FGF10: variants seen among roughly 807,000 people sequenced by gnomAD.
The protein encoded by FGF10 is FGF-10.
Under a neutral mutation model 19.8 loss-of-function variants are expected in FGF10, and 2 were observed. The observed-to-expected ratio is 0.10, with a 90% CI of 0.04 to 0.32. FGF10 has a LOEUF of 0.32. Among genes scored for constraint, FGF10 ranks in the 10% least tolerant of loss-of-function variants. The pLI is 1.00. For missense variants in FGF10, 191 were observed against 246.3 expected, an observed-to-expected ratio of 0.78 and a Z score of 1.50; for synonymous variants, 112 against 94.0, an observed-to-expected ratio of 1.19 and a Z score of -1.10.
At chr5:44,387,406 G>C (rs1579951000) in intron 1 of FGF10, among the ~76,000 whole-genome samples, 2 of 152,190 alleles carry the variant, frequency 1.3e-5, no homozygotes, top group African/African-American at 4.8e-5. Context: ...AATTTACGCT[G>C]AGGAGAAAAT....
At chr5:44,306,961 C>CA (rs1740090898) in intron 2 of FGF10, among the ~76,000 whole-genome samples, 1 of 152,080 alleles carries the variant, frequency 6.6e-6, no homozygotes, top group South Asian at 2.1e-4. Context: ...ATATACTTTT[C>CA]AAAGCAGAGT....
rs960431484 is a variant in FGF10, at chr5:44,321,083, A to T, written c.326-10553T>A. On this transcript the variant is annotated intron_variant, in intron 1 of 2. Coordinates refer to ENST00000264664, the MANE Select transcript of FGF10 (RefSeq NM_004465.2). ...CATCAAATGTGTCTAAACTGAGAGC[A>T]TCATTCTTAGTGGCTAACCACATTG... Among the ~76,000 whole-genome samples, 3 of 152,208 alleles carry T rather than the reference A, an allele frequency of 2.0e-5. No individual in the cohort carries two copies. In the East Asian group the frequency reaches 5.8e-4, roughly 29 times the overall value.
At chr5:44,309,639 G>A (rs1473948366) in intron 2 of FGF10, among the ~76,000 whole-genome samples, 1 of 152,074 alleles carries the variant, frequency 6.6e-6, no homozygotes, top group Non-Finnish European at 1.5e-5. Context: ...ACTTGAGCAG[G>A]ATAAATTGTC....
At chr5:44,385,049 C>T (rs182883835) in intron 1 of FGF10, among the ~76,000 whole-genome samples, 76 of 152,074 alleles carry the variant, frequency 5.0e-4, no homozygotes, top group African/African-American at 1.4e-3. Flanking sequence ...GAACTAAAGC[C>T]GAGTGGTAAG....
chr5:44,385,482 A>G (rs1742077020), intron 1 of FGF10, among the ~76,000 whole-genome samples: 1 of 152,206 alleles, frequency 6.6e-6, no homozygotes, highest in African/African-American at 2.4e-5. Context: ...ACAAAAACAT[A>G]TAACCTCTTA....
chr5:44,371,894 C>T (rs1041390124), intron 1 of FGF10, among the ~76,000 whole-genome samples: 4 of 152,076 alleles, frequency 2.6e-5, no homozygotes, highest in African/African-American at 4.8e-5. Flanking sequence ...TCACACCATT[C>T]GTTAAGAGGT....
intron 1 of FGF10, among the ~76,000 whole-genome samples, chr5:44,330,117 A>C (rs1166730478): frequency 6.6e-6 from 1 of 152,228 alleles, no homozygotes; most frequent in Non-Finnish European, 1.5e-5. Flanking sequence ...TAAGTTGTCT[A>C]ATCCTTTAGT....
chr5:44,348,573 T>G (rs1052730679), intron 1 of FGF10, among the ~76,000 whole-genome samples: 2 of 151,522 alleles, frequency 1.3e-5, no homozygotes, highest in Non-Finnish European at 3.0e-5. Context: ...ACTTCCAGCC[T>G]TCCCATTATC....
At chr5:44,332,776 G>A (rs1465214373) in intron 1 of FGF10, among the ~76,000 whole-genome samples, 3 of 152,014 alleles carry the variant, frequency 2.0e-5, no homozygotes, top group African/African-American at 7.2e-5. Context: ...AAGTAAGGAA[G>A]GAAACATATT....
intron 1 of FGF10, among the ~76,000 whole-genome samples, chr5:44,359,935 G>A (rs1047876807): frequency 6.6e-6 from 1 of 151,352 alleles, no homozygotes; most frequent in Non-Finnish European, 1.5e-5. Context: ...ATGTGATCCA[G>A]GGTTAGTCCT....
chr5:44,339,530 C>T (rs1162797332), intron 1 of FGF10, among the ~76,000 whole-genome samples: 1 of 152,076 alleles, frequency 6.6e-6, no homozygotes, highest in African/African-American at 2.4e-5. Context: ...ATTTTCCTTG[C>T]GTATTTGCAA....
Position 44,301,804 on chromosome 5 carries a change from C to T in FGF10, c.*3191G>A, listed in dbSNP as rs1176823970. 7.2e-5 allele frequency among the ~76,000 whole-genome samples: 11 copies of T among 152,132 alleles called. No homozygotes were observed. Among genetic ancestry groups the T allele is most frequent in the South Asian group, 4.1e-4 (2 of 4,832 alleles). On this transcript the variant is annotated 3_prime_UTR_variant, in exon 3 of 3. Coordinates refer to ENST00000264664, the MANE Select transcript of FGF10 (RefSeq NM_004465.2). ...GCCATGCACACACTTGAGCTTCTCT[C>T]TTTATTACCAGGTAGAGTTTCTGAC...
rs1554040360 is a variant in FGF10 at position 44,388,415 on chromosome 5, G to GA, written c.267dup (p.Leu90SerfsTer4). On this transcript the variant is annotated frameshift_variant, in exon 1 of 3. Coordinates refer to ENST00000264664, the MANE Select transcript of FGF10 (RefSeq NM_004465.2). LOFTEE classifies it high-confidence loss of function. ...ACCTTCCCGTTCTTCTCAATCTTGA[G>GA]AAAGTACTTGGTGAAAGAGAATAGC... The GA allele has an allele frequency of 6.2e-7, 1 of 1,613,874 alleles. No homozygotes were observed. Among genetic ancestry groups the GA allele is most frequent in the Non-Finnish European group, 8.5e-7 (1 of 1,180,024 alleles).
In FGF10 at chr5:44,332,154, G is replaced by C. The variant is rs191550880; in HGVS notation, c.326-21624C>G. 2.4e-3 allele frequency among the ~76,000 whole-genome samples: 360 copies of C among 152,036 alleles called. 1 individual carries two copies. Among genetic ancestry groups the C allele is most frequent in the African/African-American group, 8.2e-3 (342 of 41,460 alleles). On this transcript the variant is annotated intron_variant, in intron 1 of 2. Coordinates refer to ENST00000264664, the MANE Select transcript of FGF10 (RefSeq NM_004465.2). ...GTCTCTCTCTCTCTCTTAATCTTTG[G>C]GTAGGGATTTTGTTGGTAGAAGTTC...
intron 1 of FGF10, among the ~76,000 whole-genome samples, chr5:44,352,332 G>T (rs1013647964): frequency 6.6e-6 from 1 of 151,594 alleles, no homozygotes; most frequent in African/African-American, 2.4e-5. Flanking sequence ...GGGAACTCAT[G>T]CCTGGCCCTT....
Position 44,310,491 on chromosome 5 carries a change from G to A in FGF10, c.365C>T (p.Ala122Val), listed in dbSNP as rs2111688174. The A allele has an allele frequency of 6.2e-7, 1 of 1,612,426 alleles. No homozygotes were observed. Among genetic ancestry groups the A allele is most frequent in the Non-Finnish European group, 8.5e-7 (1 of 1,178,904 alleles). The change falls in exon 2 of 3, where the codon GCC becomes GTC. Residue 122 changes from alanine to valine, a missense_variant. Physicochemically the swap from Ala to Val is moderately conservative, Grantham distance 64. This residue lies in a region of FGF10 where 99 missense variants were observed against 161.7 expected (regional missense o/e 0.61). Coordinates refer to ENST00000264664, the MANE Select transcript of FGF10 (RefSeq NM_004465.2). ...EITSVEIGVV[A>V]VKAINSNYYL... is the part of the protein sequence containing the mutation. Reference sequence around the variant, plus strand: ...ATAGTTGCTGTTAATGGCTTTGACGGCAACAACTCCGATTTCTACTGATGT... The same window carrying A: ...ATAGTTGCTGTTAATGGCTTTGACGACAACAACTCCGATTTCTACTGATGT...
At chr5:44,357,048 A>G (rs1004049691) in intron 1 of FGF10, among the ~76,000 whole-genome samples, 1 of 151,404 alleles carries the variant, frequency 6.6e-6, no homozygotes, top group Non-Finnish European at 1.5e-5. Flanking sequence ...ATTACAAAAA[A>G]AATATGTATG....
At chr5:44,385,242 C>A (rs1433987244) in intron 1 of FGF10, among the ~76,000 whole-genome samples, 2 of 152,102 alleles carry the variant, frequency 1.3e-5, no homozygotes, top group African/African-American at 4.8e-5. Flanking sequence ...GGCAAAGAAG[C>A]AAACAAAAAG....
rs575661727 is a variant in FGF10 at position 44,303,757 on chromosome 5, T to C, written c.*1238A>G. ...AGGTTTTTGTATATGGTTACACATA[T>C]ACCAGTATATATTTGATTTGCTCAG... is the stretch of plus-strand genomic sequence containing the variant. On this transcript the variant is annotated 3_prime_UTR_variant, in exon 3 of 3. Coordinates refer to ENST00000264664, the MANE Select transcript of FGF10 (RefSeq NM_004465.2). The C allele has an allele frequency of 9.2e-5, 14 of 152,326 alleles. No individual in the cohort carries two copies. The highest frequency in any genetic ancestry group is 3.1e-4 in the African/African-American group (13 of 41,584). 9.4% of individuals were successfully genotyped at this position (152,326 alleles called of 1,614,324 possible). A position where few individuals can be genotyped will look rare whatever the true frequency, so the allele number is the denominator to read the frequency against.
Sources: gnomAD v4.1 joint callset for allele counts (sites outside exome capture counted in the v4.1 genomes callset) on GRCh38, gnomAD v4.1.1 for gene constraint, gnomAD v4.1.1 regional missense constraint, MANE v1.5 for transcripts, NCBI Gene and HGNC (gene_info 2026-07-23, HGNC 2026-07-21) for gene names.